NDUFB5: variants seen among roughly 807,000 people sequenced by gnomAD.
NDUFB5 encodes NADH:ubiquinone oxidoreductase subunit B5, also known as NADH dehydrogenase [ubiquinone] 1 beta subcomplex subunit 5, mitochondrial.
NDUFB5 carries 19 observed loss-of-function variants against 19.4 expected under a neutral mutation model. The observed-to-expected ratio is 0.98, with a 90% confidence interval of 0.68 to 1.43. The LOEUF is 1.43. Among genes scored for constraint, NDUFB5 ranks in the 40% most tolerant of loss-of-function variants. NDUFB5 has a pLI of 0.00. For missense variants in NDUFB5, 233 were observed against 236.5 expected (o/e 0.99, Z 0.10); for synonymous variants, 80 against 82.6 (o/e 0.97, Z 0.17).
chr3:179,616,961 CAT>C lies in NDUFB5; in HGVS notation c.281-20_281-19del, dbSNP rs757937857. The C allele has an allele frequency of 1.9e-6, 3 of 1,589,846 alleles. No individual in the cohort carries two copies. Among genetic ancestry groups the C allele is most frequent in the Non-Finnish European group, 1.7e-6 (2 of 1,159,882 alleles). ...ATAAACTCCTCATGCTAAAGTTAAA[CAT>C]AACCATTTTTTCTTATTAGGTCAAG... is the stretch of plus-strand genomic sequence containing the variant. On this transcript the variant is annotated intron_variant, in intron 3 of 5. Coordinates refer to ENST00000259037, the MANE Select transcript of NDUFB5 (RefSeq NM_002492.4).
intron 1 of NDUFB5, among the ~76,000 whole-genome samples, chr3:179,610,982 A>C (rs1211083982): frequency 6.6e-6 from 1 of 152,194 alleles, no homozygotes; most frequent in African/African-American, 2.4e-5. Context: ...CTGGCAGAAA[A>C]GTAAAGGTTG....
chr3:179,614,041 T>C (rs545928278), intron 1 of NDUFB5, among the ~76,000 whole-genome samples: 101 of 152,136 alleles, frequency 6.6e-4, no homozygotes, highest in Admixed American at 9.8e-4. Flanking sequence ...GAAATTAAAG[T>C]TTTTTATTCT....
chr3:179,617,257 T>C lies in NDUFB5; in HGVS notation c.342+213T>C, dbSNP rs1719407224. On this transcript the variant is annotated intron_variant, in intron 4 of 5. Coordinates refer to ENST00000259037, the MANE Select transcript of NDUFB5 (RefSeq NM_002492.4). ...CATTCAAGCGATTCTCATGCCTCAG[T>C]CTCCCACGTCGCTGGGATCACAGGT... The C allele has an allele frequency of 1.9e-5, 7 of 365,704 alleles. No homozygotes were observed. The South Asian group carries it at 2.2e-4, about 12-fold the overall frequency. The allele number at this position is 365,704 out of a possible 1,614,324, so 22.7% of individuals were successfully genotyped here. A position where few individuals can be genotyped will look rare whatever the true frequency, so the allele number is the denominator to read the frequency against.
intron 1 of NDUFB5, among the ~76,000 whole-genome samples, chr3:179,614,133 G>A (rs942073196): frequency 1.3e-5 from 2 of 152,182 alleles, no homozygotes; most frequent in African/African-American, 4.8e-5. Context: ...GTAACAGCTA[G>A]ATCCTTTCCT....
rs1223824477 is a variant in NDUFB5, at chr3:179,624,788, T to C, written c.*748T>C. On this transcript the variant is annotated 3_prime_UTR_variant, in exon 6 of 6. Transcript: ENST00000259037. ...AATAACTGCATTTTTTAACATTATT[T>C]TCTTTTCTTTTTTTTTTTTTTTTTT... is the stretch of plus-strand genomic sequence containing the variant. 1.6e-5 allele frequency: 2 copies of C among 125,002 alleles called. No individual in the cohort carries two copies. The highest frequency in any genetic ancestry group is 5.4e-5 in the African/African-American group (2 of 36,958). 7.7% of individuals were successfully genotyped at this position (125,002 alleles called of 1,614,324 possible). A position where few individuals can be genotyped will look rare whatever the true frequency, so the allele number is the denominator to read the frequency against.
At position 179,618,439 on chromosome 3, in the gene NDUFB5, C is replaced by T. The variant is rs370321601; in HGVS notation, c.367C>T (p.Arg123Cys). 7.0e-5 allele frequency: 112 copies of T among 1,608,780 alleles called. No individual in the cohort carries two copies. Among genetic ancestry groups the T allele is most frequent in the Middle Eastern group, 1.7e-4 (1 of 6,048 alleles). Residue 123 changes from arginine (R) to cysteine (C), a missense_variant, in exon 5 of 6, where the codon CGT becomes TGT. By Grantham distance (180) the Arg-to-Cys change is radical. Coordinates refer to ENST00000259037, the MANE Select transcript of NDUFB5 (RefSeq NM_002492.4). Reference protein sequence around the residue: ...YKHPISRWIARNFYDSPEKIY... With the variant: ...YKHPISRWIACNFYDSPEKIY... The stretch of plus-strand genomic sequence containing the variant: ...GCATCCCATATCAAGATGGATTGCC[C>T]GTAATTTCTATGATAGTCCTGAAAA...
At chr3:179,615,500 A>C (rs1719353438) in intron 2 of NDUFB5, 1 of 431,516 alleles carries the variant, frequency 2.3e-6, no homozygotes, top group South Asian at 1.7e-5. Flanking sequence ...ATCTTAATTT[A>C]GCAATAATAT....
At chr3:179,605,108 A>G (rs1719046914) in intron 1 of NDUFB5, among the ~76,000 whole-genome samples, 169 bp downstream of exon 1, 1 of 152,056 alleles carries the variant, frequency 6.6e-6, no homozygotes, top group Non-Finnish European at 1.5e-5. Context: ...TTCCTGAAGT[A>G]GCCAGATAGA....
At position 179,627,562 on chromosome 3, in the gene NDUFB5, T is replaced by G. The variant is rs1378681940; in HGVS notation, c.*3522T>G. 2 of 152,276 alleles carry G rather than the reference T, an allele frequency of 1.3e-5. No homozygotes were observed. Among genetic ancestry groups the G allele is most frequent in the African/African-American group, 2.4e-5 (1 of 41,452 alleles). 9.4% of individuals were successfully genotyped at this position (152,276 alleles called of 1,614,324 possible). A position where few individuals can be genotyped will look rare whatever the true frequency, so the allele number is the denominator to read the frequency against. On this transcript the variant is annotated 3_prime_UTR_variant, in exon 6 of 6. Transcript: ENST00000259037. ...CCCCACGAAATGCTTAAAAGCTAACTTAACTCTTTGTTCAGGGCTCAGTCC... is the reference window on the plus strand; with the variant it reads ...CCCCACGAAATGCTTAAAAGCTAACGTAACTCTTTGTTCAGGGCTCAGTCC...
chr3:179,609,257 A>C (rs1719179568), intron 1 of NDUFB5, among the ~76,000 whole-genome samples: 2 of 152,204 alleles, frequency 1.3e-5, no homozygotes, highest in South Asian at 4.1e-4. Context: ...CATGTGTGTC[A>C]TGGGTGTTAC....
rs1719677367 is a variant in NDUFB5 at position 179,626,542 on chromosome 3, T to A, written c.*2502T>A. The stretch of plus-strand genomic sequence containing the variant: ...GTGCCTGGCCTTTTTGTCCATTTTA[T>A]TTTTTTGAGATGGAGTCTTGCTGTG... On this transcript the variant is annotated 3_prime_UTR_variant, in exon 6 of 6. Coordinates refer to ENST00000259037, the MANE Select transcript of NDUFB5 (RefSeq NM_002492.4). 6.6e-6 allele frequency: 1 copy of A among 152,090 alleles called. No homozygotes were observed. The highest frequency in any genetic ancestry group is 1.5e-5 in the Non-Finnish European group (1 of 68,164). The allele number at this position is 152,090 out of a possible 1,614,324, so 9.4% of individuals were successfully genotyped here. A position where few individuals can be genotyped will look rare whatever the true frequency, so the allele number is the denominator to read the frequency against.
rs2108406725 is a variant in NDUFB5 at position 179,625,284 on chromosome 3, C to T, written c.*1244C>T. 1 of 152,236 alleles carries T rather than the reference C, an allele frequency of 6.6e-6. No homozygotes were observed. Among genetic ancestry groups the T allele is most frequent in the East Asian group, 1.9e-4 (1 of 5,186 alleles). The allele number at this position is 152,236 out of a possible 1,614,324, so 9.4% of individuals were successfully genotyped here. ...TCATCTTAGAAGTATGTTTTACATT[C>T]TTCATAAAAATAAAAATGAACCCAG... On this transcript the variant is annotated 3_prime_UTR_variant, in exon 6 of 6. Transcript: ENST00000259037.
intron 2 of NDUFB5, 146 bp downstream of exon 2, chr3:179,615,205 G>C (rs1377391266): frequency 2.2e-6 from 1 of 448,990 alleles, no homozygotes; most frequent in Non-Finnish European, 4.0e-6. Flanking sequence ...AGACTGTAAA[G>C]TCTGATTTGT....
At chr3:179,614,113 C>G (rs556461556) in intron 1 of NDUFB5, among the ~76,000 whole-genome samples, 2 of 152,192 alleles carry the variant, frequency 1.3e-5, no homozygotes, top group African/African-American at 4.8e-5. Flanking sequence ...TAGGAACCTT[C>G]AGTTTCTAAG....
Position 179,625,221 on chromosome 3 carries a change from T to G in NDUFB5, c.*1181T>G, listed in dbSNP as rs983241673. The G allele has an allele frequency of 3.3e-5, 5 of 152,172 alleles. No homozygotes were observed. The highest frequency in any genetic ancestry group is 7.4e-5 in the Non-Finnish European group (5 of 68,024). The allele number at this position is 152,172 out of a possible 1,614,324, so 9.4% of individuals were successfully genotyped here. ...CAAAATGGCTTTTTACCATAAACAT[T>G]CAGGATTTTCAAACCTGTAACAGCT... On this transcript the variant is annotated 3_prime_UTR_variant, in exon 6 of 6. Coordinates refer to ENST00000259037, the MANE Select transcript of NDUFB5 (RefSeq NM_002492.4).
chr3:179,608,845 C>G (rs943409277), intron 1 of NDUFB5, among the ~76,000 whole-genome samples: 7 of 152,102 alleles, frequency 4.6e-5, no homozygotes, highest in African/African-American at 1.7e-4. Flanking sequence ...TCTTCAGACC[C>G]ACAAAAACTT....
In NDUFB5 at chr3:179,624,315, G is replaced by A. The variant is rs911651643; in HGVS notation, c.*275G>A. ...TTAGTGTTTTATTTACCTGACAAAT[G>A]GAAGTTATAGAAGTCTAATAATGTT... On this transcript the variant is annotated 3_prime_UTR_variant, in exon 6 of 6. Coordinates refer to ENST00000259037, the MANE Select transcript of NDUFB5 (RefSeq NM_002492.4). 8.5e-5 allele frequency: 22 copies of A among 259,182 alleles called. No individual in the cohort carries two copies. Among genetic ancestry groups the A allele is most frequent in the African/African-American group, 1.8e-4 (8 of 43,582 alleles). 16.1% of individuals were successfully genotyped at this position (259,182 alleles called of 1,614,324 possible).
At position 179,604,840 on chromosome 3, in the gene NDUFB5, C is replaced by A. The variant is rs11539673; in HGVS notation, c.25C>A (p.Arg9=). The change falls in exon 1 of 6, where the codon CGG becomes AGG. Residue 9 remains arginine (R), a synonymous_variant. Coordinates refer to ENST00000259037, the MANE Select transcript of NDUFB5 (RefSeq NM_002492.4). The part of the protein sequence containing the change: MAAMSLLR[R]VSVTAVAALS... Reference sequence around the variant, plus strand: ...CATGGCGGCCATGAGTTTGTTGCGGCGGGTTTCGGTTACTGCGGTGGCAGC... The same window carrying A: ...CATGGCGGCCATGAGTTTGTTGCGGAGGGTTTCGGTTACTGCGGTGGCAGC... The A allele has an allele frequency of 5.6e-6, 9 of 1,605,912 alleles. No homozygotes were observed. The highest frequency in any genetic ancestry group is 2.2e-5 in the East Asian group (1 of 44,826).
rs1355339765 is a variant in NDUFB5 at position 179,625,749 on chromosome 3, C to T, written c.*1709C>T. On this transcript the variant is annotated 3_prime_UTR_variant, in exon 6 of 6. Coordinates refer to ENST00000259037, the MANE Select transcript of NDUFB5 (RefSeq NM_002492.4). ...TGTAACCACCTTTCTACTCTGCCTCCATGAGACCCATTTTTTAATCTCCCA... is the reference window on the plus strand; with the variant it reads ...TGTAACCACCTTTCTACTCTGCCTCTATGAGACCCATTTTTTAATCTCCCA... 1 of 152,178 alleles carries T rather than the reference C, an allele frequency of 6.6e-6. No homozygotes were observed. The highest frequency in any genetic ancestry group is 2.4e-5 in the African/African-American group (1 of 41,428). The allele number at this position is 152,178 out of a possible 1,614,324, so 9.4% of individuals were successfully genotyped here. A position where few individuals can be genotyped will look rare whatever the true frequency, so the allele number is the denominator to read the frequency against.
Sources: gnomAD v4.1 joint callset for allele counts (sites outside exome capture counted in the v4.1 genomes callset) on GRCh38, gnomAD v4.1.1 for gene constraint, MANE v1.5 for transcripts, NCBI Gene and HGNC (gene_info 2026-07-23, HGNC 2026-07-21) for gene names.